Variants in SPACA7 observed in about 807,000 individuals in gnomAD.
SPACA7 encodes sperm acrosome-associated protein 7.
SPACA7 carries 19 observed loss-of-function variants against 26.3 expected under a neutral mutation model. The observed-to-expected ratio is 0.72, with a 90% CI of 0.50 to 1.06. The LOEUF (loss-of-function observed/expected upper bound fraction) is 1.06, where lower values mean the gene tolerates loss of function less well. Ranked by LOEUF, SPACA7 falls within the 50% of genes least tolerant of loss-of-function variation. The pLI, the probability that SPACA7 is intolerant of heterozygous loss-of-function variation, is 0.00. For missense variants in SPACA7, 211 were observed against 229.9 expected (o/e 0.92, Z 0.53); for synonymous variants, 84 against 84.5 (o/e 0.99, Z 0.04).
At chr13:112,408,704 T>C (rs1886151466) in intron 5 of SPACA7, among the ~76,000 whole-genome samples, 1 of 151,790 alleles carries the variant, frequency 6.6e-6, no homozygotes, top group Admixed American at 6.6e-5. Context: ...AAACCACTGC[T>C]CAACAAAATA....
chr13:112,400,043 G>A (rs1387594897), intron 4 of SPACA7, among the ~76,000 whole-genome samples: 1 of 152,092 alleles, frequency 6.6e-6, no homozygotes, highest in Non-Finnish European at 1.5e-5. Context: ...CTAACACTGG[G>A]GATTACATTT....
chr13:112,398,290 C>T (rs1459534683), intron 3 of SPACA7, 152 bp downstream of exon 3: 3 of 620,720 alleles, frequency 4.8e-6, no homozygotes, highest in Non-Finnish European at 8.6e-6. Context: ...AATATGGCAT[C>T]TAAAACCATT....
chr13:112,413,937 G>A (rs970472481), intron 5 of SPACA7, among the ~76,000 whole-genome samples: 1 of 152,134 alleles, frequency 6.6e-6, no homozygotes, highest in Non-Finnish European at 1.5e-5. Context: ...TGGGGCCTCA[G>A]GGAACTTTTC....
rs1884998425 is a variant in SPACA7 at position 112,393,080 on chromosome 13, A to G, written c.151+3A>G. On this transcript the variant is annotated splice_donor_region_variant and intron_variant, in intron 2 of 6. Coordinates refer to ENST00000283550, the MANE Select transcript of SPACA7 (RefSeq NM_145248.5). The stretch of plus-strand genomic sequence containing the variant: ...GGAGGATATGTCTGAATTATTAGGT[A>G]AGGAAGCCCCTCCTATCAACCTCTG... The G allele has an allele frequency of 1.9e-6, 3 of 1,612,330 alleles. No homozygotes were observed. Among genetic ancestry groups the G allele is most frequent in the Middle Eastern group, 3.3e-4 (2 of 6,056 alleles).
At chr13:112,429,090 G>A (rs1375153009) in intron 5 of SPACA7, among the ~76,000 whole-genome samples, 2 of 152,206 alleles carry the variant, frequency 1.3e-5, no homozygotes, top group Non-Finnish European at 2.9e-5. Flanking sequence ...CCTGCAACAA[G>A]ACTCTTGGCC....
intron 1 of SPACA7, among the ~76,000 whole-genome samples, chr13:112,388,040 C>T (rs1040983459): frequency 6.6e-6 from 1 of 152,138 alleles, no homozygotes; most frequent in Admixed American, 6.5e-5. Context: ...TTCTCTAGGG[C>T]TCATCAAATG....
intron 2 of SPACA7, among the ~76,000 whole-genome samples, chr13:112,393,773 G>A (rs1339465791): frequency 1.3e-5 from 2 of 152,144 alleles, no homozygotes; most frequent in African/African-American, 2.4e-5. Context: ...AGATCACGAG[G>A]TCAAGAGACA....
chr13:112,376,410 A>T lies in SPACA7; in HGVS notation c.25A>T (p.Thr9Ser). ...CATGGCAGTGAGCCAAGGAGACGGG[A>T]CCCTCTGCTTTGTCCTCCTGCTGTG... is the stretch of plus-strand genomic sequence containing the variant. MAVSQGDGTLCFVLLLCCW... is the reference protein window; with the variant it reads MAVSQGDGSLCFVLLLCCW... Residue 9 changes from threonine to serine, a missense_variant, in exon 1 of 7, where the codon ACC becomes TCC. Physicochemically the swap from Thr to Ser is moderately conservative, Grantham distance 58 (BLOSUM62 1). Transcript: ENST00000283550. 1 of 1,613,698 alleles carries T rather than the reference A, an allele frequency of 6.2e-7. No individual in the cohort carries two copies. The highest frequency in any genetic ancestry group is 8.5e-7 in the Non-Finnish European group (1 of 1,179,860).
chr13:112,380,947 C>T (rs765112399), intron 1 of SPACA7, among the ~76,000 whole-genome samples: 1 of 152,024 alleles, frequency 6.6e-6, no homozygotes, highest in South Asian at 2.1e-4. Flanking sequence ...ATGACTATAC[C>T]ATCTTACAAT....
In SPACA7 at chr13:112,434,580, AGGAG is replaced by A; in HGVS notation, c.*32_*35del. On this transcript the variant is annotated 3_prime_UTR_variant, in exon 7 of 7. Coordinates refer to ENST00000283550, the MANE Select transcript of SPACA7 (RefSeq NM_145248.5). ...CAGCCCCAGACCCCCTGCGCAGGAG[AGGAG>A]CCTGCTAGAACCCCCACCCACCAGC... 1 of 1,569,908 alleles carries A rather than the reference AGGAG, an allele frequency of 6.4e-7. No individual in the cohort carries two copies. The highest frequency in any genetic ancestry group is 8.7e-7 in the Non-Finnish European group (1 of 1,155,224).
At chr13:112,379,146 A>G (rs1160036161) in intron 1 of SPACA7, among the ~76,000 whole-genome samples, 5 of 152,206 alleles carry the variant, frequency 3.3e-5, no homozygotes, top group African/African-American at 1.2e-4. Flanking sequence ...ATTGAGTCCC[A>G]CATCATTAAT....
intron 5 of SPACA7, among the ~76,000 whole-genome samples, chr13:112,408,782 A>G (rs1177444100): frequency 6.6e-6 from 1 of 152,210 alleles, no homozygotes; most frequent in African/African-American, 2.4e-5. Flanking sequence ...GAAAATGGCC[A>G]TACTGCCCAA....
chr13:112,419,504 G>T (rs1886888516), intron 5 of SPACA7, among the ~76,000 whole-genome samples: 1 of 152,188 alleles, frequency 6.6e-6, no homozygotes, highest in Non-Finnish European at 1.5e-5. Context: ...CTCTTGCGGA[G>T]GGGCAGCAAA....
intron 1 of SPACA7, chr13:112,382,480 C>G (rs751673835): frequency 6.5e-7 from 1 of 1,550,236 alleles, no homozygotes; most frequent in Non-Finnish European, 8.7e-7. Flanking sequence ...TGACAGGGGA[C>G]GTAGTGGGAA....
intron 5 of SPACA7, among the ~76,000 whole-genome samples, chr13:112,410,109 C>T (rs865890664): frequency 2.0e-5 from 3 of 151,976 alleles, no homozygotes; most frequent in South Asian, 2.1e-4. Context: ...ATCAAACTAT[C>T]GCAAGGACAA....
chr13:112,387,167 G>A (rs1181175533), intron 1 of SPACA7, among the ~76,000 whole-genome samples: 4 of 152,198 alleles, frequency 2.6e-5, no homozygotes, highest in Non-Finnish European at 4.4e-5. Flanking sequence ...AGCTCGCAAA[G>A]GCTTTTAACT....
At chr13:112,416,144 A>G (rs1288368292) in intron 5 of SPACA7, among the ~76,000 whole-genome samples, 1 of 151,680 alleles carries the variant, frequency 6.6e-6, no homozygotes, top group Admixed American at 6.6e-5. Context: ...TACTATGATC[A>G]CTCATCTGAT....
chr13:112,381,338 C>T (rs1048763641), intron 1 of SPACA7, among the ~76,000 whole-genome samples: 8 of 151,880 alleles, frequency 5.3e-5, no homozygotes, highest in African/African-American at 1.7e-4. Context: ...AAAAAAAATG[C>T]AGAAATTAGC....
At chr13:112,400,335 C>A (rs1294116788) in intron 4 of SPACA7, among the ~76,000 whole-genome samples, 1 of 152,198 alleles carries the variant, frequency 6.6e-6, no homozygotes, top group Non-Finnish European at 1.5e-5. Context: ...ATATGAATAC[C>A]TCCAAATTTG....
Sources: gnomAD v4.1 joint callset for allele counts (sites outside exome capture counted in the v4.1 genomes callset) on GRCh38, gnomAD v4.1.1 for gene constraint, MANE v1.5 for transcripts, NCBI Gene and HGNC (gene_info 2026-07-23, HGNC 2026-07-21) for gene names.